NELL2: variants seen among roughly 807,000 people sequenced by gnomAD.
NELL2 encodes neural EGFL like 2.
In NELL2, 41 loss-of-function variants were observed where a neutral mutation model predicts 109.6. That is an observed-to-expected ratio of 0.37 (90% CI 0.29 to 0.49). The LOEUF (loss-of-function observed/expected upper bound fraction) is 0.49. NELL2 is among the 20% of genes least tolerant of loss of function. The pLI is 0.98. For missense variants in NELL2, 900 were observed against 1,008.3 expected (o/e 0.89, Z 1.45); for synonymous variants, 355 against 344.7 (o/e 1.03, Z -0.33).
chr12:44,794,901 G>A (rs934086732), intron 3 of NELL2, among the ~76,000 whole-genome samples: 5 of 144,900 alleles, frequency 3.5e-5, no homozygotes, highest in African/African-American at 1.0e-4. Context: ...AACATATCTT[G>A]TCTCCCTGAT....
At chr12:44,876,474 G>C, upstream of NELL2, 1 of 1,325,166 alleles carries the variant, frequency 7.5e-7, no homozygotes, top group Non-Finnish European at 9.7e-7. Flanking sequence ...ACCCGGTCTA[G>C]GGAGCCCAGG....
At chr12:44,787,655 T>C (rs905581813) in intron 3 of NELL2, among the ~76,000 whole-genome samples, 5 of 151,994 alleles carry the variant, frequency 3.3e-5, no homozygotes, top group Middle Eastern at 3.2e-3. Context: ...CACACAAATA[T>C]GACCAACTGA....
At chr12:44,742,610 T>C (rs1940052415) in intron 9 of NELL2, among the ~76,000 whole-genome samples, 1 of 152,150 alleles carries the variant, frequency 6.6e-6, no homozygotes, top group South Asian at 2.1e-4. Flanking sequence ...GAGAAGTCCT[T>C]AAAGGACCTG....
intron 1 of NELL2, among the ~76,000 whole-genome samples, chr12:44,892,444 T>C (rs1251947841): frequency 6.6e-6 from 1 of 152,150 alleles, no homozygotes; most frequent in Non-Finnish European, 1.5e-5. Context: ...TCATTTCCTT[T>C]AAACAATCAT....
In NELL2 at chr12:44,711,340, C is replaced by G. The variant is rs761786823; in HGVS notation, c.1141G>C (p.Glu381Gln). 15 of 1,612,676 alleles carry G rather than the reference C, an allele frequency of 9.3e-6. No individual in the cohort carries two copies. The highest frequency in any genetic ancestry group is 1.3e-5 in the Non-Finnish European group (15 of 1,178,966). Residue 381 changes from glutamate (E) to glutamine (Q), a missense_variant, in exon 11 of 20, where the codon GAG (glutamate) becomes CAG (glutamine). Transcript: ENST00000429094. ...TGAGACAAGGTTATCTGATGAGACTCTGGACAATCCAAAGCTGGACAGCCT... is the reference window on the plus strand; with the variant it reads ...TGAGACAAGGTTATCTGATGAGACTGTGGACAATCCAAAGCTGGACAGCCT... ...SSGCPALDCP[E>Q]SHQITLSHSC...
At chr12:44,856,911 A>G (rs1199876386) in intron 2 of NELL2, among the ~76,000 whole-genome samples, 1 of 152,200 alleles carries the variant, frequency 6.6e-6, no homozygotes, top group Non-Finnish European at 1.5e-5. Context: ...GAGTGTAAGC[A>G]GGCAGATTAC....
intron 13 of NELL2, among the ~76,000 whole-genome samples, chr12:44,660,008 T>C (rs1465837168): frequency 6.6e-6 from 1 of 152,188 alleles, no homozygotes; most frequent in Non-Finnish European, 1.5e-5. Flanking sequence ...AATTTTATCT[T>C]CGGAGAATCA....
intron 9 of NELL2, among the ~76,000 whole-genome samples, chr12:44,772,272 C>A (rs1048231104): frequency 6.7e-6 from 1 of 150,330 alleles, no homozygotes; most frequent in African/African-American, 2.5e-5. Flanking sequence ...AATGGTGATA[C>A]ACACACACAC....
intron 3 of NELL2, among the ~76,000 whole-genome samples, chr12:44,807,451 C>G (rs1489126337): frequency 6.6e-6 from 1 of 151,488 alleles, no homozygotes; most frequent in Non-Finnish European, 1.5e-5. Context: ...GATAGTAAAT[C>G]ATCGAGATAT....
intron 13 of NELL2, among the ~76,000 whole-genome samples, chr12:44,637,764 G>A (rs147215361): frequency 6.6e-6 from 1 of 151,484 alleles, no homozygotes; most frequent in Non-Finnish European, 1.5e-5. Flanking sequence ...TGACAAACAA[G>A]CCTGAAAATT....
At chr12:44,882,127 A>C (rs1945418307) in intron 1 of NELL2, among the ~76,000 whole-genome samples, 1 of 151,996 alleles carries the variant, frequency 6.6e-6, no homozygotes, top group Admixed American at 6.5e-5. Context: ...ATTATTGCTA[A>C]AGAAATTTCT....
upstream of NELL2, chr12:44,876,961 C>T (rs927695857): frequency 1.8e-6 from 2 of 1,102,766 alleles, no homozygotes; most frequent in African/African-American, 1.6e-5. Context: ...GCTTCCCGGG[C>T]GCGGAGAGCG....
chr12:44,635,928 T>C (rs979639804), intron 13 of NELL2, among the ~76,000 whole-genome samples: 2 of 152,158 alleles, frequency 1.3e-5, no homozygotes, highest in South Asian at 4.1e-4. Flanking sequence ...ATGGAATGTT[T>C]TTCCATTTGT....
chr12:44,876,218 G>C lies in NELL2; in HGVS notation c.-349C>G, dbSNP rs1020685647. ...AAAGCAGCCAAAGACTCGCACACCC[G>C]GTAGAAGGGGGGCGGCCCCAAGAAA... On this transcript the variant is annotated 5_prime_UTR_variant, in exon 1 of 20. Transcript: ENST00000429094. 2.5e-6 allele frequency: 3 copies of C among 1,182,798 alleles called. No homozygotes were observed. The highest frequency in any genetic ancestry group is 3.1e-6 in the Non-Finnish European group (3 of 953,468). 73.3% of individuals were successfully genotyped at this position (1,182,798 alleles called of 1,614,324 possible). A position where few individuals can be genotyped will look rare whatever the true frequency, so the allele number is the denominator to read the frequency against.
At chr12:44,663,867 T>C (rs1445086861) in intron 13 of NELL2, among the ~76,000 whole-genome samples, 5 of 152,156 alleles carry the variant, frequency 3.3e-5, no homozygotes. Flanking sequence ...TCACTTAAAA[T>C]TTCTAACACT....
intron 3 of NELL2, among the ~76,000 whole-genome samples, chr12:44,799,308 A>G (rs912263851): frequency 6.6e-6 from 1 of 152,070 alleles, no homozygotes. Context: ...TGTGCAATAC[A>G]GTAAGATCCC....
chr12:44,528,055 C>A (rs997459462), intron 16 of NELL2, among the ~76,000 whole-genome samples: 2 of 139,924 alleles, frequency 1.4e-5, no homozygotes, highest in East Asian at 2.1e-4. Flanking sequence ...CCGAGATCGC[C>A]TCACTGCACT....
chr12:44,705,522 T>C (rs1459366224), intron 11 of NELL2, among the ~76,000 whole-genome samples: 1 of 152,156 alleles, frequency 6.6e-6, no homozygotes, highest in Non-Finnish European at 1.5e-5. Flanking sequence ...AAAAATGCTT[T>C]CTCCTAGGAT....
chr12:44,908,348 C>G (rs979319012), intron 1 of NELL2, among the ~76,000 whole-genome samples: 7 of 151,744 alleles, frequency 4.6e-5, no homozygotes, highest in African/African-American at 1.5e-4. Flanking sequence ...GTAAGAAAGG[C>G]AGTAAAACAG....
Sources: gnomAD v4.1 joint callset for allele counts (sites outside exome capture counted in the v4.1 genomes callset) on GRCh38, gnomAD v4.1.1 for gene constraint, MANE v1.5 for transcripts, NCBI Gene and HGNC (gene_info 2026-07-23, HGNC 2026-07-21) for gene names.